COL15A1: variants seen among roughly 807,000 people sequenced by gnomAD.
COL15A1 encodes the protein collagen type XV alpha 1 chain.
A neutral mutation model predicts 165.9 loss-of-function variants in COL15A1; 111 were observed. That is an observed-to-expected ratio of 0.67 (90% CI 0.57 to 0.78). The LOEUF (loss-of-function observed/expected upper bound fraction) is 0.78, where lower values mean the gene tolerates loss of function less well. Among genes scored for constraint, COL15A1 ranks in the 30% least tolerant of loss-of-function variants. The pLI, the probability that COL15A1 is intolerant of heterozygous loss-of-function variation, is 0.00. For synonymous variants in COL15A1, 659 were observed against 674.8 expected (o/e 0.98, Z 0.36); for missense variants, 1,745 against 1,789.7 (o/e 0.98, Z 0.45).
At chr9:98,990,683 A>G (rs7021675) in intron 5 of COL15A1, among the ~76,000 whole-genome samples, 75,189 of 152,056 alleles carry the variant, frequency 0.49, 20,029 homozygotes, top group African/African-American at 0.7. Context: ...CAGGGGACAG[A>G]AGTAGGGCAG....
rs144917892 is a variant in COL15A1 at position 99,039,473 on chromosome 9, C to A, written c.2475+740C>A. Reference sequence around the variant, plus strand: ...GCAGTGAGCCAAGATCGCACTACTGCACCCCAGGCTGGGTGACAAAGTGAG... The same window carrying A: ...GCAGTGAGCCAAGATCGCACTACTGAACCCCAGGCTGGGTGACAAAGTGAG... On this transcript the variant is annotated intron_variant, in intron 22 of 41. Transcript: ENST00000375001. 1.2e-3 allele frequency among the ~76,000 whole-genome samples: 184 copies of A among 152,354 alleles called. 1 individual carries two copies. Among genetic ancestry groups the A allele is most frequent in the African/African-American group, 4.3e-3 (178 of 41,600 alleles).
intron 5 of COL15A1, among the ~76,000 whole-genome samples, chr9:98,990,586 G>A (rs984108314): frequency 6.6e-6 from 1 of 152,240 alleles, no homozygotes; most frequent in Non-Finnish European, 1.5e-5. Context: ...TCACAGCGAA[G>A]CCAACTCAGG....
intron 9 of COL15A1, among the ~76,000 whole-genome samples, chr9:99,011,054 T>A (rs964678328): frequency 6.6e-6 from 1 of 152,064 alleles, no homozygotes; most frequent in Non-Finnish European, 1.5e-5. Flanking sequence ...TGAAAATGAG[T>A]TGAAGATTAG....
intron 28 of COL15A1, 109 bp downstream of exon 28, chr9:99,048,109 C>T (rs1028389905): frequency 2.7e-6 from 2 of 740,226 alleles, no homozygotes; most frequent in African/African-American, 3.5e-5. Context: ...TGTTGTTCTT[C>T]TTCCTTCACT....
At chr9:98,984,299 T>G (rs1490878745) in intron 2 of COL15A1, among the ~76,000 whole-genome samples, 1 of 152,236 alleles carries the variant, frequency 6.6e-6, no homozygotes, top group Non-Finnish European at 1.5e-5. Flanking sequence ...GGGTGCATGT[T>G]GCTGCAAGCT....
intron 14 of COL15A1, 117 bp from the exon 15 acceptor site, chr9:99,024,757 A>T (rs1392241905): frequency 2.6e-5 from 32 of 1,242,760 alleles, no homozygotes; most frequent in Non-Finnish European, 3.5e-5. Context: ...GCTAAGTGGG[A>T]TCACCAAACC....
At chr9:99,055,672 G>A (rs1300532357) in intron 34 of COL15A1, among the ~76,000 whole-genome samples, 1 of 152,232 alleles carries the variant, frequency 6.6e-6, no homozygotes, top group Non-Finnish European at 1.5e-5. Flanking sequence ...AATGGTGAAT[G>A]CATCAGATAA....
At chr9:98,969,312 T>G (rs1338032022) in intron 2 of COL15A1, among the ~76,000 whole-genome samples, 1 of 152,222 alleles carries the variant, frequency 6.6e-6, no homozygotes, top group East Asian at 1.9e-4. Flanking sequence ...GTGTTTTATG[T>G]CTATTATCTC....
At chr9:98,989,745 G>A (rs993641847) in intron 5 of COL15A1, among the ~76,000 whole-genome samples, 5 of 152,174 alleles carry the variant, frequency 3.3e-5, no homozygotes, top group African/African-American at 1.2e-4. Context: ...CTCCAGCTGT[G>A]AAAGCACAGT....
At position 99,062,003 on chromosome 9, in the gene COL15A1, G is replaced by T. The variant is rs1477887946; in HGVS notation, c.3435G>T (p.Leu1145=). Residue 1145 remains leucine, a synonymous_variant, in exon 37 of 42, where the codon CTG becomes CTT. Transcript: ENST00000375001. The stretch of plus-strand genomic sequence containing the variant: ...CATTCAGCAACATGGATGACATGCT[G>T]CAGAAAGCGCATTTGGTTATAGAAG... ...VTAFSNMDDM[L]QKAHLVIEGT... is the part of the protein sequence containing the mutation. 1 of 1,613,754 alleles carries T rather than the reference G, an allele frequency of 6.2e-7. No individual in the cohort carries two copies. The highest frequency in any genetic ancestry group is 1.1e-5 in the South Asian group (1 of 90,948).
chr9:99,049,864 C>T lies in COL15A1; in HGVS notation c.2873C>T (p.Pro958Leu). 1 of 1,614,204 alleles carries T rather than the reference C, an allele frequency of 6.2e-7. No individual in the cohort carries two copies. The highest frequency in any genetic ancestry group is 8.5e-7 in the Non-Finnish European group (1 of 1,180,026). Residue 958 changes from proline (P) to leucine (L), a missense_variant, in exon 30 of 42, where the codon CCA (proline) becomes CTA (leucine). Pro to Leu is a moderately conservative substitution (Grantham distance 98). Transcript: ENST00000375001. ...AVINIKGAIF[P>L]IPVRPHCKMP... The stretch of plus-strand genomic sequence containing the variant: ...TCTCATTACCCACAGGCCATTTTCC[C>T]AATACCCGTCCGACCACACTGCAAA...
intron 23 of COL15A1, chr9:99,040,856 T>C (rs983015957): frequency 2.4e-6 from 1 of 417,662 alleles, no homozygotes; most frequent in Non-Finnish European, 4.4e-6. Flanking sequence ...AAGGCACATA[T>C]CATATGATAA....
chr9:99,003,434 G>C lies in COL15A1; in HGVS notation c.1066-19G>C. On this transcript the variant is annotated intron_variant, in intron 7 of 41. Coordinates refer to ENST00000375001, the MANE Select transcript of COL15A1 (RefSeq NM_001855.5). The stretch of plus-strand genomic sequence containing the variant: ...TGGGAGCCCAGAGACATGGTCTCTT[G>C]TGATGCCTTTGTTTTCAGAATTTAG... 1 of 1,472,558 alleles carries C rather than the reference G, an allele frequency of 6.8e-7. No individual in the cohort carries two copies. The highest frequency in any genetic ancestry group is 9.1e-7 in the Non-Finnish European group (1 of 1,104,314). The allele number at this position is 1,472,558 out of a possible 1,614,324, so 91.2% of individuals were successfully genotyped here. A position where few individuals can be genotyped will look rare whatever the true frequency, so the allele number is the denominator to read the frequency against.
chr9:99,021,570 G>A (rs1304546574), intron 12 of COL15A1, among the ~76,000 whole-genome samples: 3 of 152,154 alleles, frequency 2.0e-5, no homozygotes, highest in Admixed American at 6.5e-5. Flanking sequence ...TCTGTCATTC[G>A]AAAAGCATTT....
intron 20 of COL15A1, 32 bp from the exon 21 acceptor site, chr9:99,036,281 A>C (rs745391740): frequency 1.2e-6 from 2 of 1,613,836 alleles, no homozygotes; most frequent in African/African-American, 1.3e-5. Context: ...TGTACAGTGA[A>C]TTTTTTTCTC....
At chr9:98,984,229 C>A (rs1013938728) in intron 2 of COL15A1, among the ~76,000 whole-genome samples, 1 of 152,230 alleles carries the variant, frequency 6.6e-6, no homozygotes, top group Non-Finnish European at 1.5e-5. Context: ...TCTTGTCCCC[C>A]TCTCCCTGGG....
intron 2 of COL15A1, among the ~76,000 whole-genome samples, chr9:98,950,113 T>A (rs924701140): frequency 9.9e-5 from 15 of 152,262 alleles, no homozygotes; most frequent in African/African-American, 3.6e-4. Context: ...GGGTTATTTC[T>A]ACCTTTTGTT....
chr9:98,973,240 GAGAA>G (rs1444677548), intron 2 of COL15A1, among the ~76,000 whole-genome samples: 1 of 152,032 alleles, frequency 6.6e-6, no homozygotes, highest in Non-Finnish European at 1.5e-5. Flanking sequence ...GAGAGCAAGA[GAGAA>G]AGAGAGAGAG....
At chr9:99,005,325 G>T (rs931490602) in intron 9 of COL15A1, among the ~76,000 whole-genome samples, 1 of 152,234 alleles carries the variant, frequency 6.6e-6, no homozygotes, top group East Asian at 1.9e-4. Context: ...CCACCCACAG[G>T]GGGTGGGAGC....
Sources: gnomAD v4.1 joint callset for allele counts (sites outside exome capture counted in the v4.1 genomes callset) on GRCh38, gnomAD v4.1.1 for gene constraint, MANE v1.5 for transcripts, NCBI Gene and HGNC (gene_info 2026-07-23, HGNC 2026-07-21) for gene names.